Variants in SYNE1 observed in about 807,000 individuals in gnomAD.
The protein encoded by SYNE1 is spectrin repeat containing nuclear envelope protein 1, also known as nesprin-1.
SYNE1 carries 616 observed loss-of-function variants against 1,111.0 expected under a neutral mutation model. The observed-to-expected ratio is 0.55, with a 90% CI of 0.52 to 0.59. The LOEUF (loss-of-function observed/expected upper bound fraction) is 0.59, where lower values mean the gene tolerates loss of function less well. Among genes scored for constraint, SYNE1 ranks in the 20% least tolerant of loss-of-function variants. The pLI is 0.00. For missense variants in SYNE1, 10,006 were observed against 10,417.0 expected (o/e 0.96, Z 1.72); for synonymous variants, 3,855 against 3,825.8 (o/e 1.01, Z -0.28).
rs1167793111 is a variant in SYNE1 at position 152,455,940 on chromosome 6, A to G, written c.2673T>C (p.His891=). 8 of 1,614,022 alleles carry G rather than the reference A, an allele frequency of 5.0e-6. No individual in the cohort carries two copies. The highest frequency in any genetic ancestry group is 5.9e-6 in the Non-Finnish European group (7 of 1,180,020). The part of the protein sequence containing the change: ...KFVTLSNVLK[H]FDQTRLQRQI... ...GTCTTTGTAGCCTCGTCTGATCAAA[A>G]TGCTTTAACACGTTGCTCAAGGTCA... The change falls in exon 23 of 146, where the codon CAT becomes CAC. Residue 891 remains histidine (H), a synonymous_variant. Coordinates refer to ENST00000367255, the MANE Select transcript of SYNE1 (RefSeq NM_182961.4).
intron 3 of SYNE1, among the ~76,000 whole-genome samples, chr6:152,585,756 G>A (rs2099536196): frequency 6.6e-6 from 1 of 152,154 alleles, no homozygotes; most frequent in African/African-American, 2.4e-5. Flanking sequence ...ACACCGCCAT[G>A]ATTTTTAAAA....
chr6:152,138,690 A>G (rs1405263938), intron 140 of SYNE1, among the ~76,000 whole-genome samples: 1 of 152,128 alleles, frequency 6.6e-6, no homozygotes, highest in African/African-American at 2.4e-5. Flanking sequence ...CGGAGAGCCT[A>G]GGTGGCCACA....
At chr6:152,405,010 C>T (rs2097875212) in intron 45 of SYNE1, 1 of 152,204 alleles carries the variant, frequency 6.6e-6, no homozygotes, top group Non-Finnish European at 1.5e-5. Flanking sequence ...CCTCCTGATG[C>T]CTTCAATTCA....
chr6:152,398,799 T>G (rs772747472), intron 48 of SYNE1, 68 bp from the exon 49 acceptor site: 27 of 1,184,036 alleles, frequency 2.3e-5, no homozygotes, highest in Non-Finnish European at 3.3e-5. Context: ...TTGAATGGGC[T>G]CCCAGGATTA....
At chr6:152,233,654 G>T in intron 112 of SYNE1, 127 bp downstream of exon 112, 1 of 1,169,170 alleles carries the variant, frequency 8.6e-7, no homozygotes, top group Non-Finnish European at 1.2e-6. Context: ...AATACAACGG[G>T]AGAGAGAAGA....
chr6:152,219,493 G>GAAAAAAAAAAAAAAAAAAAA (rs34187904), intron 119 of SYNE1, among the ~76,000 whole-genome samples: 2 of 132,978 alleles, frequency 1.5e-5, no homozygotes, highest in Non-Finnish European at 1.6e-5. Context: ...ACATAAACAA[G>GAAAAAAAAAAAAAAAAAAAA]AAAAAAAAAA....
chr6:152,140,853 G>A (rs1340995214), intron 139 of SYNE1, among the ~76,000 whole-genome samples: 2 of 151,848 alleles, frequency 1.3e-5, no homozygotes, highest in Non-Finnish European at 2.9e-5. Context: ...CTAACACGGT[G>A]AAACCCCACC....
chr6:152,239,795 A>T (rs2085126054), intron 107 of SYNE1, 89 bp from the exon 108 acceptor site: 5 of 1,420,050 alleles, frequency 3.5e-6, no homozygotes, highest in African/African-American at 1.4e-5. Context: ...GCGGTGGCTC[A>T]CGCCTGTAAT....
chr6:152,134,763 C>T (rs1387266449), intron 142 of SYNE1: 7 of 282,144 alleles, frequency 2.5e-5, no homozygotes, highest in South Asian at 8.0e-5. Context: ...TACTACAAGC[C>T]ACCAAATATA....
chr6:152,136,587 T>TG (rs1237135255), intron 141 of SYNE1, 31 bp downstream of exon 141: 7 of 1,611,296 alleles, frequency 4.3e-6, no homozygotes, highest in Non-Finnish European at 5.9e-6. Flanking sequence ...TGTCTCTCTC[T>TG]GAGTCACCTC....
At chr6:152,427,614 T>C (rs2098380651) in intron 38 of SYNE1, 79 bp downstream of exon 38, 1 of 1,532,248 alleles carries the variant, frequency 6.5e-7, no homozygotes, top group Non-Finnish European at 9.0e-7. Flanking sequence ...TACAAGTTTA[T>C]TTATTTTATT....
chr6:152,353,144 T>TCA (rs2096771395), intron 69 of SYNE1, 119 bp downstream of exon 69: 8 of 1,353,080 alleles, frequency 5.9e-6, no homozygotes, highest in Non-Finnish European at 7.4e-6. Flanking sequence ...AATGATGAGC[T>TCA]CAGGATCACC....
chr6:152,398,795 G>A, intron 48 of SYNE1, 64 bp from the exon 49 acceptor site: 1 of 1,246,288 alleles, frequency 8.0e-7, no homozygotes, highest in Non-Finnish European at 1.2e-6. Flanking sequence ...AACATTGAAT[G>A]GGCTCCCAGG....
intron 3 of SYNE1, among the ~76,000 whole-genome samples, chr6:152,619,072 A>ACACG (rs1555033184): frequency 6.6e-6 from 1 of 152,038 alleles, no homozygotes; most frequent in Admixed American, 6.6e-5. Flanking sequence ...ACACACACAC[A>ACACG]AAGTGTAATA....
At chr6:152,429,791 C>T (rs760571515) in intron 36 of SYNE1, among the ~76,000 whole-genome samples, 10 of 152,064 alleles carry the variant, frequency 6.6e-5, no homozygotes, top group African/African-American at 1.7e-4. Flanking sequence ...TTTCCTTGCA[C>T]ATGTACTTTT....
In SYNE1 at chr6:152,511,089, G is replaced by T. The variant is rs1172035125; in HGVS notation, c.324C>A (p.Asn108Lys). Reference protein sequence around the residue: ...FLEGRKIKLVNINSTDIADGR... With the variant: ...FLEGRKIKLVKINSTDIADGR... ...CATCAGCTATATCGGTGGAGTTAAT[G>T]TTGACTAATTTAATCTGTTTAAAAA... The change falls in exon 7 of 146, where the codon AAC (asparagine) becomes AAA (lysine). Residue 108 changes from asparagine (N) to lysine (K), a missense_variant. Transcript: ENST00000367255. 1 of 1,613,670 alleles carries T rather than the reference G, an allele frequency of 6.2e-7. No homozygotes were observed. Among genetic ancestry groups the T allele is most frequent in the Non-Finnish European group, 8.5e-7 (1 of 1,179,754 alleles).
At chr6:152,231,697 G>C (rs1165875466) in intron 113 of SYNE1, 130 bp from the exon 114 acceptor site, 1 of 970,628 alleles carries the variant, frequency 1.0e-6, no homozygotes, top group Non-Finnish European at 1.5e-6. Context: ...GGCACAATTT[G>C]TCTGTGTTCA....
Position 152,208,348 on chromosome 6 carries a change from T to C in SYNE1, c.22590-142A>G, listed in dbSNP as rs2076911880. On this transcript the variant is annotated intron_variant, in intron 124 of 145. Transcript: ENST00000367255. The stretch of plus-strand genomic sequence containing the variant: ...GGTTTTTGAATATCATGCCATGATC[T>C]CTTACTGGGTTTTGGGTCTATTGCA... 2.1e-5 allele frequency: 16 copies of C among 754,366 alleles called. 1 individual carries two copies. In the South Asian group the frequency reaches 2.5e-4, roughly 12 times the overall value. 46.7% of individuals were successfully genotyped at this position (754,366 alleles called of 1,614,324 possible).
chr6:152,326,769 A>T, intron 78 of SYNE1, 136 bp from the exon 79 acceptor site: 1 of 806,202 alleles, frequency 1.2e-6, no homozygotes, highest in Non-Finnish European at 2.0e-6. Flanking sequence ...AAGTTAGTGG[A>T]ATATTTTTGT....
Sources: gnomAD v4.1 joint callset for allele counts (sites outside exome capture counted in the v4.1 genomes callset) on GRCh38, gnomAD v4.1.1 for gene constraint, MANE v1.5 for transcripts, NCBI Gene and HGNC (gene_info 2026-07-23, HGNC 2026-07-21) for gene names.